ADCY5: variants seen among roughly 807,000 people sequenced by gnomAD.
The protein encoded by ADCY5 is adenylate cyclase type 5.
A neutral mutation model predicts 119.7 loss-of-function variants in ADCY5; 30 were observed. The ratio of observed to expected loss-of-function variants is 0.25; its 90% confidence interval spans 0.19 to 0.34. ADCY5 has a LOEUF of 0.34. Ranked by LOEUF, ADCY5 falls within the 10% of genes least tolerant of loss-of-function variation. The probability of loss-of-function intolerance (pLI) is 1.00; values close to 1 mark genes in which losing one functional copy is unlikely to be tolerated. For missense variants in ADCY5, 1,324 were observed against 1,775.2 expected, an observed-to-expected ratio of 0.75 and a Z score of 4.57; for synonymous variants, 753 against 762.2, an observed-to-expected ratio of 0.99 and a Z score of 0.20.
Position 123,325,422 on chromosome 3 carries a change from C to G in ADCY5, c.1988G>C (p.Arg663Thr), listed in dbSNP as rs1038313845. The G allele has an allele frequency of 1.9e-6, 3 of 1,614,082 alleles. No individual in the cohort carries two copies. The highest frequency in any genetic ancestry group is 1.3e-5 in the African/African-American group (1 of 74,944). Residue 663 changes from arginine to threonine, a missense_variant, in exon 8 of 21, where the codon AGA (arginine) becomes ACA (threonine). This residue lies in a region of ADCY5 where 424 missense variants were observed against 546.8 expected (regional missense o/e 0.78). Coordinates refer to ENST00000462833, the MANE Select transcript of ADCY5 (RefSeq NM_183357.3). ...KAMIAKMNRQRTNSIGHNPPH... is the reference protein window; with the variant it reads ...KAMIAKMNRQTTNSIGHNPPH... ...TGGGTTGTGCCCGATGGAGTTGGTTCTCTGGCGGTTCATCTTGGCGATCAT... is the reference window on the plus strand; with the variant it reads ...TGGGTTGTGCCCGATGGAGTTGGTTGTCTGGCGGTTCATCTTGGCGATCAT...
chr3:123,312,158 T>C (rs1940625797), intron 12 of ADCY5, among the ~76,000 whole-genome samples: 1 of 152,206 alleles, frequency 6.6e-6, no homozygotes, highest in African/African-American at 2.4e-5. Flanking sequence ...CAGGTTCACC[T>C]AAGCCCCTAA....
Position 123,352,379 on chromosome 3 carries a change from A to G in ADCY5, c.1284+53T>C. On this transcript the variant is annotated intron_variant, in intron 2 of 20. Transcript: ENST00000462833. The surrounding 1 kb of genome is among the most constrained non-coding windows in gnomAD (Gnocchi z 4.8). ...CCTAGGCCAGGCACTCAGCTGAGGTACATCTCAGGGCTCGACTCCGTCCCA... is the reference window on the plus strand; with the variant it reads ...CCTAGGCCAGGCACTCAGCTGAGGTGCATCTCAGGGCTCGACTCCGTCCCA... The G allele has an allele frequency of 1.3e-6, 2 of 1,551,602 alleles. No homozygotes were observed. The highest frequency in any genetic ancestry group is 1.7e-6 in the Non-Finnish European group (2 of 1,148,518).
At chr3:123,417,722 C>G (rs1018958603) in intron 1 of ADCY5, among the ~76,000 whole-genome samples, 12 of 152,212 alleles carry the variant, frequency 7.9e-5, no homozygotes, top group Non-Finnish European at 1.8e-4. Flanking sequence ...ATGGAATAGC[C>G]ATGTGACCCT....
chr3:123,349,439 C>T (rs4596093), intron 2 of ADCY5, among the ~76,000 whole-genome samples: 68,122 of 151,974 alleles, frequency 0.45, 16,746 homozygotes, highest in East Asian at 0.69. Flanking sequence ...ATGCAGTTCT[C>T]GCCTGGCTCT....
Position 123,286,815 on chromosome 3 carries a change from G to T in ADCY5, c.3533-6C>A. ...CACGGGGCCGATGTTGAGCCCTGCA[G>T]GGGACAGGAATCAGCCACAGTCATC... On this transcript the variant is annotated splice_polypyrimidine_tract_variant and splice_region_variant and intron_variant, in intron 19 of 20. Transcript: ENST00000462833. This position sits in a 1 kb window ranked among gnomAD's most constrained non-coding sequence, Gnocchi z 4.2. The T allele has an allele frequency of 6.3e-7, 1 of 1,594,246 alleles. No homozygotes were observed. Among genetic ancestry groups the T allele is most frequent in the Non-Finnish European group, 8.5e-7 (1 of 1,171,696 alleles).
intron 1 of ADCY5, among the ~76,000 whole-genome samples, chr3:123,391,171 CG>C (rs1202354691): frequency 6.6e-6 from 1 of 151,834 alleles, no homozygotes; most frequent in Non-Finnish European, 1.5e-5. Flanking sequence ...TACCTCTAGG[CG>C]GGTGGGAGGG....
chr3:123,382,676 A>C (rs1442239022), intron 1 of ADCY5, among the ~76,000 whole-genome samples: 1 of 152,244 alleles, frequency 6.6e-6, no homozygotes, highest in African/African-American at 2.4e-5. Context: ...ACACAAAAGG[A>C]CAAATATTGT....
chr3:123,284,740 T>TG lies in ADCY5; in HGVS notation c.3658-5dup. On this transcript the variant is annotated splice_region_variant and splice_polypyrimidine_tract_variant and intron_variant, in intron 20 of 20. Coordinates refer to ENST00000462833, the MANE Select transcript of ADCY5 (RefSeq NM_183357.3). ...CCTGGTACATGTCTGTGGTGACCTG[T>TG]GGGGGAACAGGAGGAGAGAGGGCAA... The TG allele has an allele frequency of 6.2e-7, 1 of 1,614,044 alleles. No individual in the cohort carries two copies. The highest frequency in any genetic ancestry group is 1.1e-5 in the South Asian group (1 of 91,080).
At chr3:123,345,523 G>T (rs1422271985) in intron 3 of ADCY5, among the ~76,000 whole-genome samples, 1 of 152,208 alleles carries the variant, frequency 6.6e-6, no homozygotes, top group Non-Finnish European at 1.5e-5. Context: ...GACCAGGAGA[G>T]AAAATTCCAG....
chr3:123,286,993 G>T lies in ADCY5; in HGVS notation c.3533-184C>A. On this transcript the variant is annotated intron_variant, in intron 19 of 20. Transcript: ENST00000462833. The surrounding 1 kb of genome is among the most constrained non-coding windows in gnomAD (Gnocchi z 4.2). ...CTGCTCCTGTCAAATGCCTGTGAATGCAAGACACAAGGAGCCTGCACCTGT... is the reference window on the plus strand; with the variant it reads ...CTGCTCCTGTCAAATGCCTGTGAATTCAAGACACAAGGAGCCTGCACCTGT... 1.3e-6 allele frequency: 1 copy of T among 780,330 alleles called. No homozygotes were observed. Among genetic ancestry groups the T allele is most frequent in the Non-Finnish European group, 1.9e-6 (1 of 524,956 alleles). The allele number at this position is 780,330 out of a possible 1,614,324, so 48.3% of individuals were successfully genotyped here.
chr3:123,430,676 A>G (rs757677361), intron 1 of ADCY5, among the ~76,000 whole-genome samples: 3 of 152,224 alleles, frequency 2.0e-5, no homozygotes, highest in Non-Finnish European at 2.9e-5. Flanking sequence ...CTTTCCAAAG[A>G]AAGACCACAT....
chr3:123,421,085 T>C (rs1009451412), intron 1 of ADCY5, among the ~76,000 whole-genome samples: 6 of 152,206 alleles, frequency 3.9e-5, no homozygotes, highest in African/African-American at 1.4e-4. Flanking sequence ...AAAGACCCTA[T>C]TTTCAAATAA....
chr3:123,434,049 C>A (rs535950326), intron 1 of ADCY5, among the ~76,000 whole-genome samples: 1 of 152,180 alleles, frequency 6.6e-6, no homozygotes, highest in African/African-American at 2.4e-5. Context: ...AATAAAAAGC[C>A]ATGCATTCCG....
intron 5 of ADCY5, 72 bp from the exon 6 acceptor site, chr3:123,328,874 G>T: frequency 2.0e-6 from 3 of 1,491,256 alleles, no homozygotes; most frequent in South Asian, 2.4e-5. Context: ...TGAGGCTGCA[G>T]GTGCAGGGAA....
intron 2 of ADCY5, among the ~76,000 whole-genome samples, chr3:123,349,418 C>A (rs1942728800): frequency 6.6e-6 from 1 of 152,200 alleles, no homozygotes; most frequent in East Asian, 1.9e-4. Context: ...GTGCCTTCCT[C>A]CACTGCCCAC....
chr3:123,447,751 CG>C lies in ADCY5; in HGVS notation c.794del (p.Pro265ArgfsTer16). On this transcript the variant is annotated frameshift_variant, in exon 1 of 21. Transcript: ENST00000462833. LOFTEE classifies it high-confidence loss of function. ...VMLAFHAARP[P>X]LQLPYLAVLA... is the part of the protein sequence containing the mutation. ...GCACGGCCAGGTAGGGCAGCTGGAGCGGGGGCCGCGCCGCGTGGAAGGCCAA... is the reference window on the plus strand; with the variant it reads ...GCACGGCCAGGTAGGGCAGCTGGAGCGGGGCCGCGCCGCGTGGAAGGCCAA... The C allele has an allele frequency of 6.2e-7, 1 of 1,602,524 alleles. No homozygotes were observed. Among genetic ancestry groups the C allele is most frequent in the Non-Finnish European group, 8.5e-7 (1 of 1,172,984 alleles).
At chr3:123,349,283 T>G (rs1179221912) in intron 2 of ADCY5, among the ~76,000 whole-genome samples, 1 of 152,214 alleles carries the variant, frequency 6.6e-6, no homozygotes, top group African/African-American at 2.4e-5. Context: ...CCCACGTAAG[T>G]GGCTTTTGCT....
chr3:123,299,311 C>T lies in ADCY5; in HGVS notation c.2900+809G>A, dbSNP rs759331977. Reference sequence around the variant, plus strand: ...AACTTGGTGCGTGTGTCTTCCTGGCCGATCCTCACATCCAGCTTCCAACAA... The same window carrying T: ...AACTTGGTGCGTGTGTCTTCCTGGCTGATCCTCACATCCAGCTTCCAACAA... On this transcript the variant is annotated intron_variant, in intron 15 of 20. Coordinates refer to ENST00000462833, the MANE Select transcript of ADCY5 (RefSeq NM_183357.3). Among the ~76,000 whole-genome samples the T allele has an allele frequency of 3.9e-5, 6 of 152,172 alleles. No individual in the cohort carries two copies. The South Asian group carries it at 1.0e-3, about 26-fold the overall frequency.
intron 17 of ADCY5, among the ~76,000 whole-genome samples, chr3:123,293,818 G>A (rs963197474): frequency 6.6e-5 from 10 of 152,118 alleles, no homozygotes; most frequent in East Asian, 1.9e-4. Context: ...TTCCACGTAC[G>A]TTTCCACACC....
Sources: gnomAD v4.1 joint callset for allele counts (sites outside exome capture counted in the v4.1 genomes callset) on GRCh38, gnomAD v4.1.1 for gene constraint, gnomAD v4.1.1 regional missense constraint, Gnocchi (gnomAD v3.1) non-coding constraint, MANE v1.5 for transcripts, NCBI Gene and HGNC (gene_info 2026-07-23, HGNC 2026-07-21) for gene names.